Variants in ALK observed in about 807,000 individuals in gnomAD.
ALK encodes ALK receptor tyrosine kinase.
A neutral mutation model predicts 163.1 loss-of-function variants in ALK; 74 were observed. The ratio of observed to expected loss-of-function variants is 0.45; its 90% CI spans 0.38 to 0.55. The LOEUF is 0.55. Among genes scored for constraint, ALK ranks in the 20% least tolerant of loss-of-function variants. ALK has a pLI of 0.00. For missense variants in ALK, 2,063 were observed against 2,105.3 expected (o/e 0.98, Z 0.39); for synonymous variants, 960 against 843.2 (o/e 1.14, Z -2.40).
chr2:29,438,891 G>C (rs756035952), intron 4 of ALK, among the ~76,000 whole-genome samples: 9 of 152,152 alleles, frequency 5.9e-5, no homozygotes, highest in African/African-American at 9.7e-5. Context: ...CTGTGGGCTT[G>C]TTCTATTATA....
At chr2:29,871,127 G>T (rs530871005) in intron 1 of ALK, among the ~76,000 whole-genome samples, 19 of 152,284 alleles carry the variant, frequency 1.2e-4, no homozygotes, top group South Asian at 1.0e-3. Context: ...ATTGGCTTTA[G>T]GAAAGTTGAC....
At chr2:29,879,728 T>C (rs1666808419) in intron 1 of ALK, among the ~76,000 whole-genome samples, 1 of 152,184 alleles carries the variant, frequency 6.6e-6, no homozygotes, top group African/African-American at 2.4e-5. Context: ...TGCCCACTTA[T>C]GAAAGGGAAG....
chr2:29,819,398 T>A (rs1664984204), intron 1 of ALK, among the ~76,000 whole-genome samples: 1 of 152,236 alleles, frequency 6.6e-6, no homozygotes, highest in Non-Finnish European at 1.5e-5. Context: ...ATCTGTAGGA[T>A]GAGTTATAGC....
chr2:29,666,849 AC>A (rs1677527825), intron 3 of ALK, among the ~76,000 whole-genome samples: 4 of 151,796 alleles, frequency 2.6e-5, no homozygotes, highest in Admixed American at 2.6e-4. Flanking sequence ...CCCTTCTCCT[AC>A]CTTTCCCAGC....
chr2:29,839,441 A>ACATAACTG (rs905017954), intron 1 of ALK, among the ~76,000 whole-genome samples: 7 of 152,184 alleles, frequency 4.6e-5, no homozygotes, highest in African/African-American at 1.4e-4. Context: ...TCAAGATTTC[A>ACATAACTG]CATAACTGCC....
At chr2:29,400,761 G>T (rs1251992622) in intron 4 of ALK, among the ~76,000 whole-genome samples, 1 of 152,102 alleles carries the variant, frequency 6.6e-6, no homozygotes, top group Non-Finnish European at 1.5e-5. Context: ...GATCATCTGA[G>T]GTTGGGAGTT....
intron 3 of ALK, among the ~76,000 whole-genome samples, chr2:29,606,198 C>T (rs1223967606): frequency 6.6e-6 from 1 of 152,154 alleles, no homozygotes; most frequent in Non-Finnish European, 1.5e-5. Context: ...ACTTCATTTC[C>T]CCTCCCCTGT....
chr2:29,232,750 CT>C (rs1664251843), intron 14 of ALK, among the ~76,000 whole-genome samples: 1 of 152,222 alleles, frequency 6.6e-6, no homozygotes. Context: ...CCTCTAGCCC[CT>C]TTCCTGAAGC....
chr2:29,439,079 G>A (rs1670473186), intron 4 of ALK, among the ~76,000 whole-genome samples: 2 of 152,230 alleles, frequency 1.3e-5, no homozygotes, highest in South Asian at 4.2e-4. Flanking sequence ...CATTTACCTC[G>A]AGGACATCTG....
chr2:29,209,612 G>A (rs890975044), intron 25 of ALK, among the ~76,000 whole-genome samples, 174 bp downstream of exon 25: 4 of 151,710 alleles, frequency 2.6e-5, no homozygotes, highest in African/African-American at 7.3e-5. Context: ...TTAGGCCTTC[G>A]GGCATGGTCA....
chr2:29,351,268 G>A (rs1032605554), intron 5 of ALK, among the ~76,000 whole-genome samples: 3 of 152,162 alleles, frequency 2.0e-5, no homozygotes, highest in Non-Finnish European at 2.9e-5. Flanking sequence ...TGAAACTGAG[G>A]AGAGATGTAT....
At chr2:29,766,837 T>G (rs1680877821) in intron 1 of ALK, among the ~76,000 whole-genome samples, 2 of 152,148 alleles carry the variant, frequency 1.3e-5, no homozygotes, top group Admixed American at 1.3e-4. Context: ...CTGAAACCCA[T>G]GTCCAGGAGA....
intron 1 of ALK, among the ~76,000 whole-genome samples, chr2:29,860,874 T>C (rs1666270827): frequency 6.6e-6 from 1 of 152,166 alleles, no homozygotes. Context: ...AAGGCGATTA[T>C]AAAAGGTAAG....
chr2:29,696,178 T>C (rs1184730523), intron 2 of ALK, among the ~76,000 whole-genome samples: 1 of 152,196 alleles, frequency 6.6e-6, no homozygotes, highest in Non-Finnish European at 1.5e-5. Context: ...ATGTGGCACA[T>C]GTACACCATG....
chr2:29,818,929 G>A (rs1355976917), intron 1 of ALK, among the ~76,000 whole-genome samples: 3 of 152,238 alleles, frequency 2.0e-5, no homozygotes, highest in Admixed American at 6.5e-5. Context: ...TGGCACATAG[G>A]CAGAAGGTTT....
rs146909974 is a variant in ALK, at chr2:29,739,324, C to A, written c.668-21627G>T. Reference sequence around the variant, plus strand: ...CCTGTAATCCCAGCACGCTGGGAGCCCAAGGCGGGTAGATCACAAGGCCAA... The same window carrying A: ...CCTGTAATCCCAGCACGCTGGGAGCACAAGGCGGGTAGATCACAAGGCCAA... On this transcript the variant is annotated intron_variant, in intron 1 of 28. Transcript: ENST00000389048. Among the ~76,000 whole-genome samples the A allele has an allele frequency of 3.2e-3, 476 of 148,518 alleles. 6 individuals carry two copies. The highest frequency in any genetic ancestry group is 8.8e-3 in the African/African-American group (354 of 40,090).
intron 1 of ALK, among the ~76,000 whole-genome samples, chr2:29,763,186 A>C (rs571860375): frequency 5.9e-5 from 9 of 152,126 alleles, no homozygotes; most frequent in Non-Finnish European, 1.3e-4. Flanking sequence ...GTCGAGTTGT[A>C]AACCTTTGCC....
chr2:29,899,184 C>A lies in ALK; in HGVS notation c.667+20809G>T, dbSNP rs1667346458. ...TGTGTTAACAAACCCTCCAGTGACTCTGATGTGCACTCGAGCTTGAGACTA... is the reference window on the plus strand; with the variant it reads ...TGTGTTAACAAACCCTCCAGTGACTATGATGTGCACTCGAGCTTGAGACTA... On this transcript the variant is annotated intron_variant, in intron 1 of 28. Transcript: ENST00000389048. Among the ~76,000 whole-genome samples, 5 of 152,344 alleles carry A rather than the reference C, an allele frequency of 3.3e-5. No individual in the cohort carries two copies. In the South Asian group the frequency reaches 1.0e-3, roughly 32 times the overall value.
chr2:29,699,390 C>T (rs1678666369), intron 2 of ALK, among the ~76,000 whole-genome samples: 1 of 152,138 alleles, frequency 6.6e-6, no homozygotes, highest in African/African-American at 2.4e-5. Context: ...AGTTTTCTTG[C>T]CCCCAAATGA....
Sources: gnomAD v4.1 joint callset for allele counts (sites outside exome capture counted in the v4.1 genomes callset) on GRCh38, gnomAD v4.1.1 for gene constraint, MANE v1.5 for transcripts, NCBI Gene and HGNC (gene_info 2026-07-23, HGNC 2026-07-21) for gene names.